OSBPL3: variants seen among roughly 807,000 people sequenced by gnomAD.
The protein encoded by OSBPL3 is oxysterol binding protein like 3, also known as oxysterol-binding protein-related protein 3.
A neutral mutation model predicts 120.1 loss-of-function variants in OSBPL3; 65 were observed. The ratio of observed to expected loss-of-function variants is 0.54; its 90% CI spans 0.44 to 0.67. The LOEUF is 0.67. OSBPL3 is among the 30% of genes least tolerant of loss of function. OSBPL3 has a pLI of 0.00. For missense variants in OSBPL3, 1,004 were observed against 1,082.1 expected (o/e 0.93, Z 1.01); for synonymous variants, 416 against 402.6 (o/e 1.03, Z -0.40).
chr7:24,829,508 C>CCT (rs1258787670), intron 16 of OSBPL3, among the ~76,000 whole-genome samples: 3 of 152,288 alleles, frequency 2.0e-5, no homozygotes, highest in Non-Finnish European at 2.9e-5. Flanking sequence ...CGCTTCCCCT[C>CCT]CTCTCCCTGT....
In OSBPL3 at chr7:24,910,029, C is replaced by T. The variant is rs148737960; in HGVS notation, c.-149-17408G>A. On this transcript the variant is annotated intron_variant, in intron 1 of 22. Transcript: ENST00000313367. The stretch of plus-strand genomic sequence containing the variant: ...CCATGTTGGTCAGGCTGGTCTCGAA[C>T]TTCTGACCTCAGGTGATCCACCTGC... Among the ~76,000 whole-genome samples the T allele has an allele frequency of 5.8e-3, 880 of 152,174 alleles. 7 individuals carry two copies. Among genetic ancestry groups the T allele is most frequent in the African/African-American group, 0.02 (839 of 41,510 alleles).
intron 1 of OSBPL3, among the ~76,000 whole-genome samples, chr7:24,904,924 T>G (rs1041006490): frequency 1.5e-5 from 2 of 132,626 alleles, no homozygotes; most frequent in African/African-American, 7.2e-5. Flanking sequence ...TACAGGTGTG[T>G]GTGTGTGTGT....
rs1812845338 is a variant in OSBPL3 at position 24,939,670 on chromosome 7, T to C, written c.-150+40216A>G. On this transcript the variant is annotated intron_variant, in intron 1 of 22. Coordinates refer to ENST00000313367, the MANE Select transcript of OSBPL3 (RefSeq NM_015550.4). The surrounding 1 kb of genome is among the most constrained non-coding windows in gnomAD (Gnocchi z 4.2). ...TAGTTTCTTCTATTTGGGTTTTCCA[T>C]TACTTGCAGCCAAAATCACCCTAAT... Among the ~76,000 whole-genome samples, 1 of 152,204 alleles carries C rather than the reference T, an allele frequency of 6.6e-6. No individual in the cohort carries two copies. The highest frequency in any genetic ancestry group is 1.5e-5 in the Non-Finnish European group (1 of 68,048).
chr7:24,810,182 A>G lies in OSBPL3; in HGVS notation c.2173-231T>C. On this transcript the variant is annotated intron_variant, in intron 19 of 22. Coordinates refer to ENST00000313367, the MANE Select transcript of OSBPL3 (RefSeq NM_015550.4). The stretch of plus-strand genomic sequence containing the variant: ...TATACATTGTGGAATGGCTAAATCA[A>G]GCTGATTAACATATGTATTACCTTA... The G allele has an allele frequency of 1.8e-5, 9 of 488,706 alleles. No homozygotes were observed. In the South Asian group the frequency reaches 2.4e-4, roughly 13 times the overall value. 30.3% of individuals were successfully genotyped at this position (488,706 alleles called of 1,614,324 possible).
chr7:24,950,304 C>T (rs1814237937), intron 1 of OSBPL3, among the ~76,000 whole-genome samples: 1 of 152,128 alleles, frequency 6.6e-6, no homozygotes, highest in Non-Finnish European at 1.5e-5. Flanking sequence ...AATCGAAATG[C>T]CTGTATCAAT....
chr7:24,860,694 T>C (rs1281251918), intron 10 of OSBPL3, among the ~76,000 whole-genome samples: 1 of 152,208 alleles, frequency 6.6e-6, no homozygotes, highest in African/African-American at 2.4e-5. Context: ...TGTTTTGAGA[T>C]TGGTTATTTT....
intron 12 of OSBPL3, among the ~76,000 whole-genome samples, chr7:24,845,203 T>C (rs1490683678): frequency 1.3e-5 from 2 of 151,816 alleles, no homozygotes; most frequent in Admixed American, 1.3e-4. Context: ...CATACCATAA[T>C]TTAGAAAACT....
chr7:24,863,164 T>C lies in OSBPL3; in HGVS notation c.870+36A>G, dbSNP rs781696486. ...CACACGGCATGCAGAGCAGGGCCAA[T>C]GAAGAAACCAGTCTGTCAGGGGAAG... On this transcript the variant is annotated intron_variant, in intron 9 of 22. Coordinates refer to ENST00000313367, the MANE Select transcript of OSBPL3 (RefSeq NM_015550.4). The surrounding 1 kb of genome is among the most constrained non-coding windows in gnomAD (Gnocchi z 5.8). The C allele has an allele frequency of 2.5e-5, 37 of 1,493,270 alleles. No homozygotes were observed. The South Asian group carries it at 4.1e-4, about 16-fold the overall frequency. 92.5% of individuals were successfully genotyped at this position (1,493,270 alleles called of 1,614,324 possible). A position where few individuals can be genotyped will look rare whatever the true frequency, so the allele number is the denominator to read the frequency against.
At chr7:24,892,347 A>C in intron 2 of OSBPL3, 30 bp downstream of exon 2, 1 of 1,603,874 alleles carries the variant, frequency 6.2e-7, no homozygotes, top group Middle Eastern at 1.7e-4. Flanking sequence ...TTACATTTGC[A>C]TATTAAAATT....
At chr7:24,859,053 T>A (rs914682017) in intron 10 of OSBPL3, among the ~76,000 whole-genome samples, 1 of 152,198 alleles carries the variant, frequency 6.6e-6, no homozygotes, top group Non-Finnish European at 1.5e-5. Flanking sequence ...ATTTCACGGA[T>A]GAACTGCACA....
chr7:24,972,010 C>A lies in OSBPL3; in HGVS notation c.-150+7876G>T, dbSNP rs1393238019. ...TGTATTCTTTTAGGCTTCACATACC[C>A]CTAACCCACTTTGCCTCAGATGCCA... On this transcript the variant is annotated intron_variant, in intron 1 of 22. Transcript: ENST00000313367. The surrounding 1 kb of genome is among the most constrained non-coding windows in gnomAD (Gnocchi z 4.3). Among the ~76,000 whole-genome samples, 1 of 152,200 alleles carries A rather than the reference C, an allele frequency of 6.6e-6. No homozygotes were observed. The highest frequency in any genetic ancestry group is 2.4e-5 in the African/African-American group (1 of 41,450).
chr7:24,925,396 GA>G (rs1398871715), intron 1 of OSBPL3, among the ~76,000 whole-genome samples: 6 of 152,276 alleles, frequency 3.9e-5, no homozygotes, highest in Admixed American at 1.3e-4. Flanking sequence ...AAGAAAAGAA[GA>G]AATATCCCAA....
At position 24,968,257 on chromosome 7, in the gene OSBPL3, TTA is replaced by T. The variant is rs766877690; in HGVS notation, c.-150+11627_-150+11628del. Among the ~76,000 whole-genome samples, 28 of 152,324 alleles carry T rather than the reference TTA, an allele frequency of 1.8e-4. No individual in the cohort carries two copies. Among genetic ancestry groups the T allele is most frequent in the Admixed American group, 3.3e-4 (5 of 15,302 alleles). On this transcript the variant is annotated intron_variant, in intron 1 of 22. Transcript: ENST00000313367. This position sits in a 1 kb window ranked among gnomAD's most constrained non-coding sequence, Gnocchi z 4.6. ...ACAAAAACAAAAATGTCCTCATGTGTTATGTTTCCTGATTTCCATGGTGTAAA... is the reference window on the plus strand; with the variant it reads ...ACAAAAACAAAAATGTCCTCATGTGTTGTTTCCTGATTTCCATGGTGTAAA...
chr7:24,841,922 A>G (rs533719971), intron 13 of OSBPL3, among the ~76,000 whole-genome samples: 1 of 151,774 alleles, frequency 6.6e-6, no homozygotes, highest in Admixed American at 6.6e-5. Flanking sequence ...CTGAGGCTGG[A>G]GAATCACTTG....
At chr7:24,948,173 T>C (rs1337265739) in intron 1 of OSBPL3, among the ~76,000 whole-genome samples, 1 of 152,100 alleles carries the variant, frequency 6.6e-6, no homozygotes, top group East Asian at 1.9e-4. Flanking sequence ...TGGTTTCAAG[T>C]CTGGGAATGA....
rs957696262 is a variant in OSBPL3 at position 24,894,636 on chromosome 7, T to G, written c.-149-2015A>C. Among the ~76,000 whole-genome samples, 1 of 151,664 alleles carries G rather than the reference T, an allele frequency of 6.6e-6. No homozygotes were observed. Among genetic ancestry groups the G allele is most frequent in the Non-Finnish European group, 1.5e-5 (1 of 67,902 alleles). On this transcript the variant is annotated intron_variant, in intron 1 of 22. Coordinates refer to ENST00000313367, the MANE Select transcript of OSBPL3 (RefSeq NM_015550.4). This position sits in a 1 kb window ranked among gnomAD's most constrained non-coding sequence, Gnocchi z 4.1. ...TGGATTAGGAATACCAGCGGAGTGT[T>G]TGTGTGTGTGTGTACAAGCTTTGCT... is the stretch of plus-strand genomic sequence containing the variant.
chr7:24,830,039 C>G lies in OSBPL3; in HGVS notation c.1884+729G>C, dbSNP rs555058271. Among the ~76,000 whole-genome samples, 1 of 152,176 alleles carries G rather than the reference C, an allele frequency of 6.6e-6. No individual in the cohort carries two copies. The highest frequency in any genetic ancestry group is 1.5e-5 in the Non-Finnish European group (1 of 68,040). ...CCACTCTCAAGAGCAAACTAAAGCACAGAGAAGCTATGTAACTTGCCTTGG... is the reference window on the plus strand; with the variant it reads ...CCACTCTCAAGAGCAAACTAAAGCAGAGAGAAGCTATGTAACTTGCCTTGG... On this transcript the variant is annotated intron_variant, in intron 16 of 22. Transcript: ENST00000313367. This position sits in a 1 kb window ranked among gnomAD's most constrained non-coding sequence, Gnocchi z 4.4.
rs1377591556 is a variant in OSBPL3 at position 24,809,767 on chromosome 7, A to G, written c.2317+40T>C. The G allele has an allele frequency of 2.5e-6, 4 of 1,604,608 alleles. No homozygotes were observed. The African/African-American group carries it at 5.4e-5, about 21-fold the overall frequency. On this transcript the variant is annotated intron_variant, in intron 20 of 22. Transcript: ENST00000313367. ...CTTCTTGTGTCATGCCCACCCATCC[A>G]CCCACTCACAGCCTGGGGTCCACAA... is the stretch of plus-strand genomic sequence containing the variant.
intron 16 of OSBPL3, among the ~76,000 whole-genome samples, chr7:24,828,622 G>GAAAAAAAAAAAAAAAAAAAAAAAAAAAA (rs544011465): frequency 1.3e-5 from 1 of 79,864 alleles, no homozygotes. Context: ...AAAAAAAAAA[G>GAAAAAAAAAAAAAAAAAAAAAAAAAAAA]AAAAAAAAAA....
Sources: gnomAD v4.1 joint callset for allele counts (sites outside exome capture counted in the v4.1 genomes callset) on GRCh38, gnomAD v4.1.1 for gene constraint, Gnocchi (gnomAD v3.1) non-coding constraint, MANE v1.5 for transcripts, NCBI Gene and HGNC (gene_info 2026-07-23, HGNC 2026-07-21) for gene names.